The following XKR6 variants were observed in gnomAD, a reference collection of about 807,000 sequenced individuals.
The protein encoded by XKR6 is XK related 6.
Under a neutral mutation model 56.7 loss-of-function variants are expected in XKR6, and 22 were observed. The ratio of observed to expected loss-of-function variants is 0.39; its 90% CI spans 0.28 to 0.55. XKR6 has a LOEUF of 0.55. XKR6 is among the 20% of genes least tolerant of loss of function. The pLI, the probability that XKR6 is intolerant of heterozygous loss-of-function variation, is 0.66. For missense variants in XKR6, 852 were observed against 889.0 expected, an observed-to-expected ratio of 0.96 and a Z score of 0.53; for synonymous variants, 524 against 387.8, an observed-to-expected ratio of 1.35 and a Z score of -4.13.
chr8:11,122,309 A>G (rs1799496028), intron 1 of XKR6, among the ~76,000 whole-genome samples: 2 of 152,272 alleles, frequency 1.3e-5, no homozygotes, highest in African/African-American at 4.8e-5. Flanking sequence ...TGAATGTGCT[A>G]CAAAACTATT....
In XKR6 at chr8:11,148,070, C is replaced by T. The variant is rs1249699004; in HGVS notation, c.764+52506G>A. On this transcript the variant is annotated intron_variant, in intron 1 of 2. Coordinates refer to ENST00000416569, the MANE Select transcript of XKR6 (RefSeq NM_173683.4). ...ACTAAAAATACAAAAATTAGCTGGG[C>T]GTGGTGGCATGCACCTGTAGTCCCA... Among the ~76,000 whole-genome samples, 7 of 151,818 alleles carry T rather than the reference C, an allele frequency of 4.6e-5. 1 individual carries two copies. In the South Asian group the frequency reaches 1.0e-3, roughly 23 times the overall value.
intron 1 of XKR6, among the ~76,000 whole-genome samples, chr8:11,065,157 G>A (rs139304999): frequency 3.3e-5 from 5 of 152,314 alleles, no homozygotes; most frequent in South Asian, 4.1e-4. Context: ...TAGACTCATG[G>A]TAATGAACAC....
intron 1 of XKR6, among the ~76,000 whole-genome samples, chr8:11,095,797 G>T (rs969638061): frequency 3.7e-4 from 56 of 152,308 alleles, no homozygotes; most frequent in African/African-American, 1.2e-3. Flanking sequence ...GCTCAAACGG[G>T]TGATTCTGAT....
rs1054380238 is a variant in XKR6, at chr8:11,026,395, G to A, written c.765-101565C>T. On this transcript the variant is annotated intron_variant, in intron 1 of 2. Coordinates refer to ENST00000416569, the MANE Select transcript of XKR6 (RefSeq NM_173683.4). ...GGTCTGGCCTACTACACACTTAGAT[G>A]GTCTAGCCTACTACACACCTAGATG... is the stretch of plus-strand genomic sequence containing the variant. Among the ~76,000 whole-genome samples the A allele has an allele frequency of 4.0e-5, 6 of 150,556 alleles. No homozygotes were observed. The East Asian group carries it at 9.8e-4, about 25-fold the overall frequency.
At chr8:11,153,468 C>A (rs1286208298) in intron 1 of XKR6, among the ~76,000 whole-genome samples, 1 of 152,206 alleles carries the variant, frequency 6.6e-6, no homozygotes, top group Non-Finnish European at 1.5e-5. Context: ...AGTTTATAAA[C>A]TTTGATAAAG....
Position 11,178,552 on chromosome 8 carries a change from A to ATATATATATATATATGTG in XKR6, c.764+22023_764+22024insCACATATATATATATATA, listed in dbSNP as rs1563197766. On this transcript the variant is annotated intron_variant, in intron 1 of 2. Coordinates refer to ENST00000416569, the MANE Select transcript of XKR6 (RefSeq NM_173683.4). The stretch of plus-strand genomic sequence containing the variant: ...CCAAACATCTGAGAGGTAAAAATAT[A>ATATATATATATATATGTG]TATATATATATATATATATATGTAT... 1.7e-4 allele frequency among the ~76,000 whole-genome samples: 20 copies of ATATATATATATATATGTG among 117,194 alleles called. 1 individual carries two copies. Among genetic ancestry groups the ATATATATATATATATGTG allele is most frequent in the Admixed American group, 4.0e-4 (5 of 12,486 alleles). The allele number at this position is 117,194 out of a possible 152,430, so 76.9% of individuals were successfully genotyped here. A position where few individuals can be genotyped will look rare whatever the true frequency, so the allele number is the denominator to read the frequency against.
intron 1 of XKR6, among the ~76,000 whole-genome samples, chr8:11,141,485 G>A (rs752124511): frequency 6.6e-6 from 1 of 152,176 alleles, no homozygotes; most frequent in Non-Finnish European, 1.5e-5. Context: ...AAATAGAGCT[G>A]TAATACATAA....
intron 1 of XKR6, among the ~76,000 whole-genome samples, chr8:11,147,847 G>A (rs1346874491): frequency 6.6e-6 from 1 of 152,128 alleles, no homozygotes; most frequent in East Asian, 1.9e-4. Context: ...AAAATTCATA[G>A]GAAGGCCTAA....
chr8:10,946,294 C>G (rs954030993), intron 1 of XKR6, among the ~76,000 whole-genome samples: 30 of 152,018 alleles, frequency 2.0e-4, no homozygotes, highest in African/African-American at 7.0e-4. Flanking sequence ...GAAAGGACCC[C>G]CGACCCAAAG....
intron 1 of XKR6, among the ~76,000 whole-genome samples, chr8:11,092,543 CAG>C (rs1215484867): frequency 2.0e-5 from 3 of 152,132 alleles, no homozygotes; most frequent in Non-Finnish European, 2.9e-5. Context: ...GCAGTGGGGA[CAG>C]GGGGTATCCC....
intron 1 of XKR6, chr8:11,175,639 C>T: frequency 6.6e-6 from 1 of 152,236 alleles, no homozygotes; most frequent in East Asian, 1.9e-4. Context: ...AAAATCTACT[C>T]CTCAGGTCTC....
chr8:10,908,980 C>T (rs2129109477), intron 2 of XKR6, among the ~76,000 whole-genome samples: 1 of 152,340 alleles, frequency 6.6e-6, no homozygotes, highest in Non-Finnish European at 1.5e-5. Flanking sequence ...GCCTAGCCAA[C>T]ATGGCGAAAC....
chr8:11,063,999 A>G (rs1217923882), intron 1 of XKR6, among the ~76,000 whole-genome samples: 4 of 152,066 alleles, frequency 2.6e-5, no homozygotes, highest in African/African-American at 9.7e-5. Context: ...TTCCGCCTCT[A>G]TTTCATACAA....
intron 1 of XKR6, among the ~76,000 whole-genome samples, chr8:11,070,896 C>T (rs1440121726): frequency 6.6e-6 from 1 of 152,184 alleles, no homozygotes; most frequent in Non-Finnish European, 1.5e-5. Context: ...GCTGAACCCA[C>T]CAGACCAAGA....
chr8:11,200,496 AGGG>A lies in XKR6; in HGVS notation c.764+77_764+79del, dbSNP rs1326340211. 40 of 1,357,158 alleles carry A rather than the reference AGGG, an allele frequency of 2.9e-5. No homozygotes were observed. The highest frequency in any genetic ancestry group is 3.8e-5 in the Non-Finnish European group (40 of 1,061,342). 84.1% of individuals were successfully genotyped at this position (1,357,158 alleles called of 1,614,324 possible). A position where few individuals can be genotyped will look rare whatever the true frequency, so the allele number is the denominator to read the frequency against. Reference sequence around the variant, plus strand: ...GAGCCCCCCGCGCTGGGCCCTTTCGAGGGGCCGCCCCGCGAAGCACCGGGAGGG... The same window carrying A: ...GAGCCCCCCGCGCTGGGCCCTTTCGAGCCGCCCCGCGAAGCACCGGGAGGG... On this transcript the variant is annotated intron_variant, in intron 1 of 2. Coordinates refer to ENST00000416569, the MANE Select transcript of XKR6 (RefSeq NM_173683.4). The surrounding 1 kb of genome is among the most constrained non-coding windows in gnomAD (Gnocchi z 6.4).
At chr8:11,081,969 A>T (rs938199832) in intron 1 of XKR6, among the ~76,000 whole-genome samples, 1 of 152,174 alleles carries the variant, frequency 6.6e-6, no homozygotes, top group Non-Finnish European at 1.5e-5. Context: ...CCACTGGAGG[A>T]TGCTCTTGTC....
chr8:11,024,180 T>C (rs74826862), intron 1 of XKR6, among the ~76,000 whole-genome samples: 4,007 of 151,394 alleles, frequency 0.026, 182 homozygotes, highest in African/African-American at 0.091. Context: ...TTTTGCCTTG[T>C]TGCAGACAAC....
rs928971576 is a variant in XKR6, at chr8:10,927,367, G to A, written c.765-2537C>T. ...GAGCTGCCCCCTGTGACCCAAACCC[G>A]GCTCTCTCAACAGGTGGCACCTGCA... On this transcript the variant is annotated intron_variant, in intron 1 of 2. Coordinates refer to ENST00000416569, the MANE Select transcript of XKR6 (RefSeq NM_173683.4). Among the ~76,000 whole-genome samples, 22 of 152,154 alleles carry A rather than the reference G, an allele frequency of 1.4e-4. 1 individual carries two copies. The South Asian group carries it at 1.7e-3, about 11-fold the overall frequency.
intron 1 of XKR6, among the ~76,000 whole-genome samples, chr8:11,027,726 T>C (rs1798901223): frequency 6.6e-6 from 1 of 152,216 alleles, no homozygotes; most frequent in Admixed American, 6.5e-5. Context: ...TTTGCTCCAT[T>C]ACTTGTGGGT....
Sources: allele counts gnomAD v4.1 joint callset (sites outside exome capture counted in the v4.1 genomes callset), GRCh38; gene constraint gnomAD v4.1.1; non-coding constraint Gnocchi (gnomAD v3.1); transcripts MANE v1.5; gene names NCBI Gene and HGNC (gene_info 2026-07-23, HGNC 2026-07-21).